The following CEP170 variants were observed in gnomAD, a reference collection of about 807,000 sequenced individuals.
CEP170 encodes the protein centrosomal protein 170.
Under a neutral mutation model 151.9 loss-of-function variants are expected in CEP170, and 21 were observed. The observed-to-expected ratio is 0.14, with a 90% CI of 0.10 to 0.20. CEP170 has a LOEUF of 0.20. Ranked by LOEUF, CEP170 falls within the 10% of genes least tolerant of loss-of-function variation. CEP170 has a pLI of 1.00. For missense variants in CEP170, 964 were observed against 1,892.9 expected, an observed-to-expected ratio of 0.51 and a Z score of 9.11; for synonymous variants, 356 against 648.8, an observed-to-expected ratio of 0.55 and a Z score of 6.86.
intron 10 of CEP170, among the ~76,000 whole-genome samples, chr1:243,184,552 A>G (rs2059821080): frequency 6.6e-6 from 1 of 152,166 alleles, no homozygotes; most frequent in African/African-American, 2.4e-5. Context: ...TGAGCAGCTC[A>G]GTGGTAAACC....
chr1:243,170,532 G>A (rs1223141507), intron 11 of CEP170, among the ~76,000 whole-genome samples: 1 of 152,176 alleles, frequency 6.6e-6, no homozygotes, highest in Admixed American at 6.5e-5. Context: ...GGTTGCTCAC[G>A]CCTGTAATCC....
At chr1:243,170,211 C>A (rs1458601396) in intron 11 of CEP170, among the ~76,000 whole-genome samples, 1 of 125,264 alleles carries the variant, frequency 8.0e-6, no homozygotes, top group Admixed American at 8.8e-5. Context: ...CATGGTGAAA[C>A]CCTGTCTCTA....
intron 10 of CEP170, among the ~76,000 whole-genome samples, chr1:243,180,348 G>C (rs1393753758): frequency 6.6e-6 from 1 of 152,210 alleles, no homozygotes; most frequent in Non-Finnish European, 1.5e-5. Flanking sequence ...AATTAACACA[G>C]CAGGAGAGGG....
chr1:243,238,630 T>C (rs1235621292), intron 1 of CEP170, among the ~76,000 whole-genome samples: 7 of 152,224 alleles, frequency 4.6e-5, no homozygotes, highest in Non-Finnish European at 1.0e-4. Context: ...CCTCATTATA[T>C]TTGAATTTTC....
chr1:243,161,267 C>A (rs2058040834), intron 13 of CEP170, among the ~76,000 whole-genome samples: 1 of 149,868 alleles, frequency 6.7e-6, no homozygotes, highest in Admixed American at 6.7e-5. Flanking sequence ...TGTGCCATTA[C>A]ACTCCAGCCT....
intron 4 of CEP170, chr1:243,211,148 CTG>C (rs1198612286): frequency 1.5e-4 from 22 of 150,654 alleles, no homozygotes; most frequent in South Asian, 6.3e-4. Flanking sequence ...TGTGGAATAG[CTG>C]TATTTTAATT....
chr1:243,223,716 C>A (rs2149000831), intron 2 of CEP170, among the ~76,000 whole-genome samples: 1 of 152,162 alleles, frequency 6.6e-6, no homozygotes, highest in Non-Finnish European at 1.5e-5. Flanking sequence ...TGTGGGATCA[C>A]AAGAATACAT....
At position 243,244,501 on chromosome 1, in the gene CEP170, G is replaced by A. The variant is rs188868043; in HGVS notation, c.-42+10539C>T. Among the ~76,000 whole-genome samples, 525 of 152,316 alleles carry A rather than the reference G, an allele frequency of 3.4e-3. 4 individuals are homozygous for A. Among genetic ancestry groups the A allele is most frequent in the African/African-American group, 0.012 (505 of 41,574 alleles). ...CTCACGCCTGTAATCACAGCACTTT[G>A]GGAGTCTCAGGCAGGTAGATAGCTT... On this transcript the variant is annotated intron_variant, in intron 1 of 19. Coordinates refer to ENST00000366542, the MANE Select transcript of CEP170 (RefSeq NM_014812.3).
At chr1:243,190,635 T>A (rs2060252885) in intron 8 of CEP170, among the ~76,000 whole-genome samples, 1 of 152,190 alleles carries the variant, frequency 6.6e-6, no homozygotes, top group South Asian at 2.1e-4. Context: ...TCTTTCAGAA[T>A]CTAGATATTG....
chr1:243,253,942 C>G (rs1235796112), intron 1 of CEP170, among the ~76,000 whole-genome samples: 2 of 152,096 alleles, frequency 1.3e-5, no homozygotes, highest in Admixed American at 1.3e-4. Flanking sequence ...TGTACTGGGC[C>G]AGTTGTTTTG....
intron 10 of CEP170, among the ~76,000 whole-genome samples, chr1:243,176,092 G>C (rs939784544): frequency 2.0e-5 from 3 of 152,094 alleles, no homozygotes; most frequent in African/African-American, 7.2e-5. Flanking sequence ...CACAACGCCC[G>C]GCCTCAAAGG....
In CEP170 at chr1:243,124,474, A is replaced by C. The variant is rs573220614; in HGVS notation, c.*1975T>G. On this transcript the variant is annotated 3_prime_UTR_variant, in exon 20 of 20. Transcript: ENST00000366542. ...TTTAAAAATGGAGTTGTAAATGCAT[A>C]ACAAAATAACATAAGTAATAAATGT... 3.1e-4 allele frequency: 48 copies of C among 152,766 alleles called. No homozygotes were observed. Among genetic ancestry groups the C allele is most frequent in the Non-Finnish European group, 6.3e-4 (43 of 68,010 alleles). 9.5% of individuals were successfully genotyped at this position (152,766 alleles called of 1,614,324 possible). A position where few individuals can be genotyped will look rare whatever the true frequency, so the allele number is the denominator to read the frequency against.
At chr1:243,195,992 C>G (rs2148802856) in intron 7 of CEP170, among the ~76,000 whole-genome samples, 1 of 152,020 alleles carries the variant, frequency 6.6e-6, no homozygotes, top group South Asian at 2.1e-4. Context: ...AAAAAGAACC[C>G]CAAGATCATG....
At chr1:243,239,538 A>G (rs757980814) in intron 1 of CEP170, among the ~76,000 whole-genome samples, 14 of 152,200 alleles carry the variant, frequency 9.2e-5, no homozygotes, top group Non-Finnish European at 1.8e-4. Context: ...GATAGAATTC[A>G]AACTCTTCAG....
chr1:243,244,815 T>C (rs1420689199), intron 1 of CEP170, among the ~76,000 whole-genome samples: 4 of 151,966 alleles, frequency 2.6e-5, no homozygotes, highest in Non-Finnish European at 4.4e-5. Flanking sequence ...GCAGGCTATA[T>C]ATGACTAAAT....
Position 243,139,038 on chromosome 1 carries a change from G to A in CEP170, c.4230+899C>T, listed in dbSNP as rs373001181. 5.5e-3 allele frequency among the ~76,000 whole-genome samples: 831 copies of A among 151,770 alleles called. 15 individuals are homozygous for A. Among genetic ancestry groups the A allele is most frequent in the African/African-American group, 0.019 (793 of 41,384 alleles). On this transcript the variant is annotated intron_variant, in intron 16 of 19. Transcript: ENST00000366542. Reference sequence around the variant, plus strand: ...TAATCTCACTGTAGTCTTGACATGCGTTTCTCTGAATGCTTGTTAAGTTAA... The same window carrying A: ...TAATCTCACTGTAGTCTTGACATGCATTTCTCTGAATGCTTGTTAAGTTAA...
intron 4 of CEP170, among the ~76,000 whole-genome samples, chr1:243,202,041 A>G (rs933948324): frequency 2.6e-5 from 4 of 152,206 alleles, no homozygotes; most frequent in Non-Finnish European, 5.9e-5. Flanking sequence ...AACATATGGA[A>G]TCAATCTAAA....
At chr1:243,167,269 T>A (rs901388994) in intron 12 of CEP170, among the ~76,000 whole-genome samples, 33 of 151,994 alleles carry the variant, frequency 2.2e-4, no homozygotes, top group African/African-American at 3.9e-4. Flanking sequence ...AACAACATTT[T>A]AAAAAAATCT....
intron 1 of CEP170, among the ~76,000 whole-genome samples, chr1:243,228,326 GC>G (rs2063465483): frequency 6.6e-6 from 1 of 152,138 alleles, no homozygotes; most frequent in Non-Finnish European, 1.5e-5. Flanking sequence ...TCCCTCCTCA[GC>G]TTATTTGATA....
Sources: allele counts gnomAD v4.1 joint callset (sites outside exome capture counted in the v4.1 genomes callset), GRCh38; gene constraint gnomAD v4.1.1; transcripts MANE v1.5; gene names NCBI Gene and HGNC (gene_info 2026-07-23, HGNC 2026-07-21).